Variants in LRRC4C observed in about 807,000 individuals in gnomAD.
The protein encoded by LRRC4C is leucine rich repeat containing 4C.
A neutral mutation model predicts 33.6 loss-of-function variants in LRRC4C; 5 were observed. That is an observed-to-expected ratio of 0.15 (90% confidence interval 0.08 to 0.31). The LOEUF (loss-of-function observed/expected upper bound fraction) is 0.31, where lower values mean the gene tolerates loss of function less well. Ranked by LOEUF, LRRC4C falls within the 10% of genes least tolerant of loss-of-function variation. LRRC4C has a pLI of 1.00. For synonymous variants in LRRC4C, 329 were observed against 302.0 expected, an observed-to-expected ratio of 1.09 and a Z score of -0.93; for missense variants, 560 against 796.7, an observed-to-expected ratio of 0.70 and a Z score of 3.58.
At chr11:40,318,977 T>A (rs1230811364) in intron 4 of LRRC4C, among the ~76,000 whole-genome samples, 2 of 152,186 alleles carry the variant, frequency 1.3e-5, no homozygotes, top group Non-Finnish European at 2.9e-5. Context: ...TTTGACTGCC[T>A]CCATTACCCA....
In LRRC4C at chr11:41,138,982, T is replaced by C. The variant is rs540457919; in HGVS notation, c.-495-205259A>G. 3.3e-3 allele frequency among the ~76,000 whole-genome samples: 508 copies of C among 152,270 alleles called. 9 individuals carry two copies. The highest frequency in any genetic ancestry group is 2.1e-3 in the East Asian group (11 of 5,172). ...AGCCATGTTATGTGTAACTGAGCCT[T>C]CTTCTGATTATGTTTGGAAGCTATT... On this transcript the variant is annotated intron_variant, in intron 1 of 6. Transcript: ENST00000528697.
intron 1 of LRRC4C, among the ~76,000 whole-genome samples, chr11:41,267,498 A>C (rs1565532350): frequency 6.6e-6 from 1 of 152,122 alleles, no homozygotes; most frequent in Non-Finnish European, 1.5e-5. Context: ...ACAATCAATA[A>C]AGGTTAAGTG....
intron 3 of LRRC4C, among the ~76,000 whole-genome samples, chr11:40,429,831 G>GA (rs1405213048): frequency 6.6e-6 from 1 of 152,166 alleles, no homozygotes; most frequent in African/African-American, 2.4e-5. Flanking sequence ...TTGATTCTTT[G>GA]ATTAGTGATG....
At chr11:41,344,337 C>T (rs1951735578) in intron 1 of LRRC4C, among the ~76,000 whole-genome samples, 1 of 149,428 alleles carries the variant, frequency 6.7e-6, no homozygotes, top group Non-Finnish European at 1.5e-5. Context: ...TCTCCTGCTT[C>T]AGCCTCCCGA....
Position 40,194,858 on chromosome 11 carries a change from G to C in LRRC4C, c.-96+46661C>G, listed in dbSNP as rs1862127828. ...AATCCCAGCACTTTGGGAGGCCGAGGTGGGCGGATCACGAGGTCAGGAGAT... is the reference window on the plus strand; with the variant it reads ...AATCCCAGCACTTTGGGAGGCCGAGCTGGGCGGATCACGAGGTCAGGAGAT... On this transcript the variant is annotated intron_variant, in intron 5 of 6. Transcript: ENST00000528697. 2.6e-5 allele frequency among the ~76,000 whole-genome samples: 4 copies of C among 152,130 alleles called. No individual in the cohort carries two copies. In the South Asian group the frequency reaches 8.3e-4, roughly 31 times the overall value.
intron 4 of LRRC4C, among the ~76,000 whole-genome samples, chr11:40,264,957 A>T (rs909550928): frequency 3.3e-5 from 5 of 152,216 alleles, no homozygotes; most frequent in African/African-American, 1.2e-4. Flanking sequence ...TTGCTTTACA[A>T]TATTGAACTA....
intron 2 of LRRC4C, among the ~76,000 whole-genome samples, chr11:40,792,400 A>G (rs1445015076): frequency 2.0e-5 from 3 of 152,202 alleles, no homozygotes; most frequent in African/African-American, 7.2e-5. Context: ...TTTTTGGTTT[A>G]TAAAGTTAGA....
At chr11:40,140,954 C>T (rs1329409964) in intron 5 of LRRC4C, 101 bp from the exon 6 acceptor site, 1 of 152,680 alleles carries the variant, frequency 6.5e-6, no homozygotes, top group African/African-American at 2.4e-5. Flanking sequence ...CAACCACAGA[C>T]ACCACTGATG....
intron 1 of LRRC4C, among the ~76,000 whole-genome samples, chr11:41,007,417 A>T (rs957456652): frequency 6.6e-6 from 1 of 152,110 alleles, no homozygotes; most frequent in Non-Finnish European, 1.5e-5. Flanking sequence ...ACAATTTGGC[A>T]AGAATGTGAG....
intron 1 of LRRC4C, among the ~76,000 whole-genome samples, chr11:40,979,624 G>A (rs117614794): frequency 0.034 from 5,105 of 152,274 alleles, 159 homozygotes; most frequent in South Asian, 0.14. Context: ...TGAGAAGCCC[G>A]AATTCATCTT....
Position 41,275,495 on chromosome 11 carries a change from TTTG to T in LRRC4C, c.-496+183933_-496+183935del, listed in dbSNP as rs532157557. ...GCAGAAGAGTGGGACATATTTTCTTTTTGTTGTTGTTGTTTAAATTAATTACCC... is the reference window on the plus strand; with the variant it reads ...GCAGAAGAGTGGGACATATTTTCTTTTTGTTGTTGTTTAAATTAATTACCC... On this transcript the variant is annotated intron_variant, in intron 1 of 6. Coordinates refer to ENST00000528697, the MANE Select transcript of LRRC4C (RefSeq NM_001258419.2). Among the ~76,000 whole-genome samples, 283 of 152,312 alleles carry T rather than the reference TTTG, an allele frequency of 1.9e-3. 1 individual carries two copies. In the Middle Eastern group the frequency reaches 0.02, roughly 11 times the overall value.
intron 3 of LRRC4C, among the ~76,000 whole-genome samples, chr11:40,646,672 T>A (rs1942480917): frequency 6.6e-6 from 1 of 152,214 alleles, no homozygotes; most frequent in Non-Finnish European, 1.5e-5. Flanking sequence ...AGTGGCACTA[T>A]CTCGGCTCAC....
chr11:40,786,552 T>G (rs932936702), intron 2 of LRRC4C, among the ~76,000 whole-genome samples: 2 of 151,884 alleles, frequency 1.3e-5, no homozygotes, highest in African/African-American at 2.4e-5. Flanking sequence ...CCTCTGAGAG[T>G]TTTTTGATTG....
rs747619230 is a variant in LRRC4C, at chr11:40,115,427, G to C, written c.866C>G (p.Pro289Arg). Residue 289 changes from proline to arginine, a missense_variant, in exon 7 of 7, where the codon CCC (proline) becomes CGC (arginine). Physicochemically the swap from Pro to Arg is moderately radical, Grantham distance 103. Transcript: ENST00000528697. The surrounding 1 kb of genome is among the most constrained non-coding windows in gnomAD (Gnocchi z 6.7). ...ATGTATCCGCTCTAGATGATGCAAG[G>C]GAGTGAAGAGGTCATGAGGCAGTAA... ...LTLLPHDLFT[P>R]LHHLERIHLH... 6.2e-7 allele frequency: 1 copy of C among 1,614,184 alleles called. No homozygotes were observed. The highest frequency in any genetic ancestry group is 1.1e-5 in the South Asian group (1 of 91,088).
chr11:40,247,247 G>T (rs1398385132), intron 4 of LRRC4C, among the ~76,000 whole-genome samples: 2 of 151,964 alleles, frequency 1.3e-5, no homozygotes, highest in Non-Finnish European at 2.9e-5. Flanking sequence ...TTAATTGAAT[G>T]GTTCTTAAAC....
intron 5 of LRRC4C, among the ~76,000 whole-genome samples, chr11:40,166,589 C>G (rs1459307388): frequency 6.6e-6 from 1 of 152,012 alleles, no homozygotes; most frequent in East Asian, 1.9e-4. Flanking sequence ...GAATATTTCA[C>G]ATAAATATAA....
intron 3 of LRRC4C, among the ~76,000 whole-genome samples, chr11:40,469,350 C>T (rs1479010433): frequency 6.6e-6 from 1 of 152,132 alleles, no homozygotes; most frequent in Admixed American, 6.5e-5. Context: ...ATATCCGGCC[C>T]ATATACTATG....
intron 2 of LRRC4C, among the ~76,000 whole-genome samples, chr11:40,796,480 T>C (rs1432356319): frequency 6.6e-6 from 1 of 152,042 alleles, no homozygotes; most frequent in Non-Finnish European, 1.5e-5. Context: ...ACATAGAGTA[T>C]TTGCTTGATG....
At chr11:41,298,977 T>A (rs964586996) in intron 1 of LRRC4C, among the ~76,000 whole-genome samples, 1 of 152,212 alleles carries the variant, frequency 6.6e-6, no homozygotes, top group Non-Finnish European at 1.5e-5. Context: ...TGTTTTTATT[T>A]TTATGCCTGA....
Sources: gnomAD v4.1 joint callset for allele counts (sites outside exome capture counted in the v4.1 genomes callset) on GRCh38, gnomAD v4.1.1 for gene constraint, Gnocchi (gnomAD v3.1) non-coding constraint, MANE v1.5 for transcripts, NCBI Gene and HGNC (gene_info 2026-07-23, HGNC 2026-07-21) for gene names.